CRTAM: variants seen among roughly 807,000 people sequenced by gnomAD.
The protein encoded by CRTAM is cytotoxic and regulatory T cell molecule.
Under a neutral mutation model 50.0 loss-of-function variants are expected in CRTAM, and 44 were observed. The observed-to-expected ratio is 0.88, with a 90% CI of 0.69 to 1.13. CRTAM has a LOEUF of 1.13. CRTAM is among the 50% of genes most tolerant of loss of function. The pLI, the probability that CRTAM is intolerant of heterozygous loss-of-function variation, is 0.00. For synonymous variants in CRTAM, 159 were observed against 169.3 expected (o/e 0.94, Z 0.47); for missense variants, 448 against 457.5 (o/e 0.98, Z 0.19).
Position 122,872,077 on chromosome 11 carries a change from G to C in CRTAM, c.*678G>C, listed in dbSNP as rs1479286165. 1 of 152,294 alleles carries C rather than the reference G, an allele frequency of 6.6e-6. No individual in the cohort carries two copies. The highest frequency in any genetic ancestry group is 1.9e-4 in the East Asian group (1 of 5,196). 9.4% of individuals were successfully genotyped at this position (152,294 alleles called of 1,614,324 possible). On this transcript the variant is annotated 3_prime_UTR_variant, in exon 10 of 10. Coordinates refer to ENST00000227348, the MANE Select transcript of CRTAM (RefSeq NM_019604.4). The stretch of plus-strand genomic sequence containing the variant: ...TTGAACCTGGGAGGTGGAGATTGCA[G>C]TGAGTCAAGATCTCACCACTGCACT...
chr11:122,858,443 C>A (rs1278489842), intron 5 of CRTAM, among the ~76,000 whole-genome samples: 1 of 152,090 alleles, frequency 6.6e-6, no homozygotes, highest in Non-Finnish European at 1.5e-5. Context: ...TCAGCCTGGT[C>A]TTGAATTCCT....
At chr11:122,870,304 C>T (rs958605046) in intron 9 of CRTAM, among the ~76,000 whole-genome samples, 1 of 152,094 alleles carries the variant, frequency 6.6e-6, no homozygotes, top group Non-Finnish European at 1.5e-5. Flanking sequence ...TGGTCTTGAA[C>T]TCCTGGACTC....
At chr11:122,860,523 T>A (rs1362230139) in intron 5 of CRTAM, among the ~76,000 whole-genome samples, 1 of 152,188 alleles carries the variant, frequency 6.6e-6, no homozygotes, top group Non-Finnish European at 1.5e-5. Context: ...TGCAATAGTT[T>A]GCTAGCTTGT....
At chr11:122,850,625 G>A (rs1861918230) in intron 2 of CRTAM, among the ~76,000 whole-genome samples, 2 of 152,198 alleles carry the variant, frequency 1.3e-5, no homozygotes, top group African/African-American at 4.8e-5. Context: ...TTCCATCTGA[G>A]CAATCCAAAG....
chr11:122,871,800 G>A lies in CRTAM; in HGVS notation c.*401G>A, dbSNP rs1862258396. Reference sequence around the variant, plus strand: ...TATTTTCTTCTGGTCACAAAATAAAGAAATTTGGGATGCAAAGTACCTAAA... The same window carrying A: ...TATTTTCTTCTGGTCACAAAATAAAAAAATTTGGGATGCAAAGTACCTAAA... On this transcript the variant is annotated 3_prime_UTR_variant, in exon 10 of 10. Transcript: ENST00000227348. The A allele has an allele frequency of 6.6e-6, 1 of 152,144 alleles. No homozygotes were observed. Among genetic ancestry groups the A allele is most frequent in the Non-Finnish European group, 1.5e-5 (1 of 68,214 alleles). 9.4% of individuals were successfully genotyped at this position (152,144 alleles called of 1,614,324 possible).
At chr11:122,848,133 G>A (rs930202385) in intron 1 of CRTAM, among the ~76,000 whole-genome samples, 1 of 152,200 alleles carries the variant, frequency 6.6e-6, no homozygotes, top group Non-Finnish European at 1.5e-5. Flanking sequence ...CGAATTCCGA[G>A]TTAATTAGTA....
At chr11:122,843,664 C>A (rs1861826365) in intron 1 of CRTAM, among the ~76,000 whole-genome samples, 1 of 152,164 alleles carries the variant, frequency 6.6e-6, no homozygotes, top group African/African-American at 2.4e-5. Flanking sequence ...ATATCTCACA[C>A]CCCATCCCTC....
In CRTAM at chr11:122,855,800, G is replaced by A. The variant is rs1265633376; in HGVS notation, c.596G>A (p.Arg199Gln). 4 of 1,613,994 alleles carry A rather than the reference G, an allele frequency of 2.5e-6. No homozygotes were observed. The highest frequency in any genetic ancestry group is 1.6e-4 in the Middle Eastern group (1 of 6,084). ...AATTCAACGGTGGACTGCATTATCC[G>A]ACACAGAGGCCTGCAAGGGAGAAAA... ...GKNSTVDCII[R>Q]HRGLQGRKLV... is the part of the protein sequence containing the mutation. The change falls in exon 5 of 10, where the codon CGA becomes CAA. Residue 199 changes from arginine to glutamine, a missense_variant. By Grantham distance (43) the Arg-to-Gln change is conservative (BLOSUM62 1). Coordinates refer to ENST00000227348, the MANE Select transcript of CRTAM (RefSeq NM_019604.4).
intron 2 of CRTAM, among the ~76,000 whole-genome samples, chr11:122,851,022 G>A (rs1302928338): frequency 6.6e-6 from 1 of 152,214 alleles, no homozygotes; most frequent in Non-Finnish European, 1.5e-5. Context: ...AGCACTTTGG[G>A]AGACTGAGGC....
chr11:122,862,184 AGGAC>A (rs1012958529), intron 5 of CRTAM: 5 of 426,836 alleles, frequency 1.2e-5, no homozygotes, highest in Non-Finnish European at 2.1e-5. Context: ...GATGGATAGA[AGGAC>A]ACAGATAGAA....
Position 122,838,584 on chromosome 11 carries a change from C to T in CRTAM, c.38C>T (p.Pro13Leu). 1 of 1,614,126 alleles carries T rather than the reference C, an allele frequency of 6.2e-7. No individual in the cohort carries two copies. ...WRVLSLLAWF[P>L]LQEASLTNHT... ...GTTCTCAGCTTGCTGGCATGGTTCC[C>T]CTTGCAAGGTAAGGACTTAGAGTTA... The change falls in exon 1 of 10, where the codon CCC becomes CTC. Residue 13 changes from proline (P) to leucine (L), a missense_variant. Transcript: ENST00000227348.
chr11:122,845,795 T>C (rs1274102819), intron 1 of CRTAM, among the ~76,000 whole-genome samples: 2 of 152,290 alleles, frequency 1.3e-5, no homozygotes, highest in Admixed American at 6.5e-5. Context: ...ATCATTTTGT[T>C]TATGCATTTT....
intron 1 of CRTAM, among the ~76,000 whole-genome samples, chr11:122,841,922 T>C (rs1861803688): frequency 6.6e-6 from 1 of 152,196 alleles, no homozygotes; most frequent in Non-Finnish European, 1.5e-5. Context: ...AAAGGGAAGC[T>C]AAGGCCTGTT....
chr11:122,862,534 C>T lies in CRTAM; in HGVS notation c.723C>T (p.Pro241=). The T allele has an allele frequency of 6.3e-7, 1 of 1,599,074 alleles. No individual in the cohort carries two copies. Among genetic ancestry groups the T allele is most frequent in the Non-Finnish European group, 8.6e-7 (1 of 1,166,448 alleles). The change falls in exon 6 of 10, where the codon CCC becomes CCT. Residue 241 remains proline, a synonymous_variant. Transcript: ENST00000227348. ...NSLSSQDPQQ[P]TSTVSVTEDS... Reference sequence around the variant, plus strand: ...TATCCTCTCAAGACCCACAGCAGCCCACCAGTACTGGTAAGTGTCAAAATC... The same window carrying T: ...TATCCTCTCAAGACCCACAGCAGCCTACCAGTACTGGTAAGTGTCAAAATC...
chr11:122,842,660 A>G (rs1044875215), intron 1 of CRTAM, among the ~76,000 whole-genome samples: 1 of 152,238 alleles, frequency 6.6e-6, no homozygotes, highest in Non-Finnish European at 1.5e-5. Context: ...GAACTAAGTT[A>G]TTACAGTGGT....
At chr11:122,841,311 C>T (rs374760057) in intron 1 of CRTAM, among the ~76,000 whole-genome samples, 1 of 152,126 alleles carries the variant, frequency 6.6e-6, no homozygotes, top group East Asian at 1.9e-4. Flanking sequence ...CTGGCTTTAA[C>T]TTAGCCCTAG....
chr11:122,851,185 G>C (rs2135236802), intron 2 of CRTAM, among the ~76,000 whole-genome samples: 1 of 151,462 alleles, frequency 6.6e-6, no homozygotes, highest in Non-Finnish European at 1.5e-5. Context: ...AGAATCACTT[G>C]AATCTGGGAG....
intron 6 of CRTAM, among the ~76,000 whole-genome samples, chr11:122,863,228 CGAAAGAAAGAAA>C (rs150041954): frequency 9.2e-6 from 1 of 108,568 alleles, no homozygotes; most frequent in African/African-American, 3.3e-5. Context: ...AAATGAATTA[CGAAAGAAAGAAA>C]GAAAGAAAGA....
intron 9 of CRTAM, among the ~76,000 whole-genome samples, chr11:122,869,356 T>C (rs947212054): frequency 5.9e-5 from 9 of 152,266 alleles, no homozygotes; most frequent in Non-Finnish European, 1.3e-4. Context: ...CCTCAGATTC[T>C]AGCACAGGTT....
Sources: allele counts gnomAD v4.1 joint callset (sites outside exome capture counted in the v4.1 genomes callset), GRCh38; gene constraint gnomAD v4.1.1; transcripts MANE v1.5; gene names NCBI Gene and HGNC (gene_info 2026-07-23, HGNC 2026-07-21).